Variants in SERPINI1 observed in about 807,000 individuals in gnomAD.
SERPINI1 encodes the protein neuroserpin.
SERPINI1 carries 19 observed loss-of-function variants against 41.1 expected under a neutral mutation model. That is an observed-to-expected ratio of 0.46 (90% CI 0.32 to 0.68). SERPINI1 has a LOEUF of 0.68. Among genes scored for constraint, SERPINI1 ranks in the 30% least tolerant of loss-of-function variants. SERPINI1 has a pLI of 0.03. For missense variants in SERPINI1, 460 were observed against 479.2 expected (o/e 0.96, Z 0.37); for synonymous variants, 138 against 156.6 (o/e 0.88, Z 0.89).
At chr3:167,746,379 T>C (rs1051006042) in intron 1 of SERPINI1, among the ~76,000 whole-genome samples, 3 of 152,174 alleles carry the variant, frequency 2.0e-5, no homozygotes, top group Admixed American at 2.0e-4. Flanking sequence ...TTCTTAGATA[T>C]GACACCAAAA....
intron 1 of SERPINI1, among the ~76,000 whole-genome samples, chr3:167,753,337 T>C (rs1577400356): frequency 6.6e-6 from 1 of 152,228 alleles, no homozygotes; most frequent in East Asian, 1.9e-4. Context: ...GAAAAGTGCT[T>C]GATAATTAGG....
At chr3:167,791,530 T>G (rs61510878) in intron 3 of SERPINI1, among the ~76,000 whole-genome samples, 19,239 of 152,236 alleles carry the variant, frequency 0.13, 1,459 homozygotes, top group African/African-American at 0.21. Context: ...AATGTAGTCT[T>G]TTAATAGTCA....
chr3:167,792,484 C>T (rs1178620642), intron 3 of SERPINI1, 106 bp from the exon 4 acceptor site: 2 of 843,866 alleles, frequency 2.4e-6, no homozygotes, highest in Admixed American at 2.7e-5. Flanking sequence ...ATTTGGTGTA[C>T]AGTTTCTCTG....
intron 1 of SERPINI1, among the ~76,000 whole-genome samples, chr3:167,742,518 A>G (rs1725711891): frequency 6.6e-6 from 1 of 152,232 alleles, no homozygotes; most frequent in African/African-American, 2.4e-5. Context: ...CAAAGAAGGA[A>G]GAATGAGAAA....
chr3:167,766,737 A>G (rs1280477081), intron 1 of SERPINI1, among the ~76,000 whole-genome samples: 1 of 152,244 alleles, frequency 6.6e-6, no homozygotes, highest in Non-Finnish European at 1.5e-5. Flanking sequence ...TGGTCTAGAT[A>G]GATCAAACCA....
chr3:167,795,224 G>A (rs1438256628), intron 5 of SERPINI1, among the ~76,000 whole-genome samples: 1 of 152,164 alleles, frequency 6.6e-6, no homozygotes, highest in Non-Finnish European at 1.5e-5. Flanking sequence ...TATGACTGGA[G>A]AGGAAACAAT....
intron 2 of SERPINI1, among the ~76,000 whole-genome samples, chr3:167,789,601 G>A (rs992854011): frequency 2.6e-5 from 4 of 152,096 alleles, no homozygotes; most frequent in Admixed American, 2.6e-4. Context: ...AAATTATTAT[G>A]ATTTACATAA....
chr3:167,753,575 G>A (rs1726109738), intron 1 of SERPINI1, among the ~76,000 whole-genome samples: 2 of 152,102 alleles, frequency 1.3e-5, no homozygotes, highest in South Asian at 4.1e-4. Context: ...TTGGGGGTGG[G>A]GAGCAGTGAG....
chr3:167,790,624 T>C (rs757803096), intron 3 of SERPINI1, 22 bp downstream of exon 3: 1 of 1,535,418 alleles, frequency 6.5e-7, no homozygotes, highest in South Asian at 1.1e-5. Context: ...GGTTCCTTTC[T>C]TCCTCTAGTA....
At chr3:167,798,832 G>A (rs1727799361) in intron 5 of SERPINI1, among the ~76,000 whole-genome samples, 1 of 152,124 alleles carries the variant, frequency 6.6e-6, no homozygotes, top group South Asian at 2.1e-4. Flanking sequence ...CACTGAGGAT[G>A]ACTAGAGGAG....
chr3:167,777,895 T>C, intron 1 of SERPINI1, among the ~76,000 whole-genome samples: 1 of 152,170 alleles, frequency 6.6e-6, no homozygotes, highest in South Asian at 2.1e-4. Context: ...AGGAATGGAT[T>C]AATGCTGTTA....
chr3:167,774,053 A>T (rs1726882535), intron 1 of SERPINI1, among the ~76,000 whole-genome samples: 1 of 152,188 alleles, frequency 6.6e-6, no homozygotes, highest in Middle Eastern at 3.2e-3. Context: ...TTCTAAAAAA[A>T]AGAATTCTTA....
At chr3:167,761,134 C>T (rs1017932746) in intron 1 of SERPINI1, among the ~76,000 whole-genome samples, 19 of 152,176 alleles carry the variant, frequency 1.2e-4, no homozygotes, top group African/African-American at 4.6e-4. Flanking sequence ...GAACAATAGA[C>T]TTAATACATT....
At chr3:167,799,508 T>C (rs1727831988) in intron 5 of SERPINI1, among the ~76,000 whole-genome samples, 1 of 152,218 alleles carries the variant, frequency 6.6e-6, no homozygotes. Flanking sequence ...AACATACGTG[T>C]GTGTGTGTCT....
intron 1 of SERPINI1, among the ~76,000 whole-genome samples, chr3:167,784,024 T>C (rs2108553233): frequency 6.6e-6 from 1 of 152,260 alleles, no homozygotes; most frequent in Non-Finnish European, 1.5e-5. Context: ...ACAAACATAA[T>C]GGGAGCTCTT....
At chr3:167,764,443 A>G (rs1171106872) in intron 1 of SERPINI1, among the ~76,000 whole-genome samples, 1 of 152,132 alleles carries the variant, frequency 6.6e-6, no homozygotes, top group Admixed American at 6.5e-5. Flanking sequence ...TTTTAAAACT[A>G]TCAGATCTCA....
intron 3 of SERPINI1, among the ~76,000 whole-genome samples, chr3:167,791,062 A>G (rs544470014): frequency 6.6e-6 from 1 of 152,282 alleles, no homozygotes; most frequent in East Asian, 1.9e-4. Flanking sequence ...TATATGATTC[A>G]TTTTCAAAAG....
chr3:167,817,027 G>A (rs553723502), intron 6 of SERPINI1, among the ~76,000 whole-genome samples: 2 of 152,006 alleles, frequency 1.3e-5, no homozygotes, highest in African/African-American at 4.8e-5. Context: ...TATACTGAAG[G>A]TGAGGTGAGA....
At chr3:167,747,527 C>T (rs1725896516) in intron 1 of SERPINI1, among the ~76,000 whole-genome samples, 1 of 152,126 alleles carries the variant, frequency 6.6e-6, no homozygotes, top group South Asian at 2.1e-4. Context: ...GCCTGTGGTT[C>T]CAGCTACTCG....
Sources: gnomAD v4.1 joint callset for allele counts (sites outside exome capture counted in the v4.1 genomes callset) on GRCh38, gnomAD v4.1.1 for gene constraint, MANE v1.5 for transcripts, NCBI Gene and HGNC (gene_info 2026-07-23, HGNC 2026-07-21) for gene names.